IFNGR2: variants seen among roughly 807,000 people sequenced by gnomAD.
IFNGR2 encodes interferon gamma receptor 2.
IFNGR2 carries 15 observed loss-of-function variants against 41.1 expected under a neutral mutation model. The ratio of observed to expected loss-of-function variants is 0.37; its 90% CI spans 0.24 to 0.56. The LOEUF is 0.56. Ranked by LOEUF, IFNGR2 falls within the 20% of genes least tolerant of loss-of-function variation. IFNGR2 has a pLI of 0.81. For synonymous variants in IFNGR2, 161 were observed against 171.6 expected, an observed-to-expected ratio of 0.94 and a Z score of 0.48; for missense variants, 362 against 415.7, an observed-to-expected ratio of 0.87 and a Z score of 1.12.
In IFNGR2 at chr21:33,415,371, C is replaced by T. The variant is rs562686663; in HGVS notation, c.206+351C>T. ...AGTCTTCATCTTCGGGCTTAAAAATCGGATTGATTTAACCTTATAGACCAA... is the reference window on the plus strand; with the variant it reads ...AGTCTTCATCTTCGGGCTTAAAAATTGGATTGATTTAACCTTATAGACCAA... On this transcript the variant is annotated intron_variant, in intron 2 of 6. Coordinates refer to ENST00000290219, the MANE Select transcript of IFNGR2 (RefSeq NM_005534.4). Among the ~76,000 whole-genome samples the T allele has an allele frequency of 1.4e-4, 22 of 152,294 alleles. No individual in the cohort carries two copies. The East Asian group carries it at 1.7e-3, about 12-fold the overall frequency.
chr21:33,407,795 C>G (rs938819806), intron 1 of IFNGR2, among the ~76,000 whole-genome samples: 4 of 151,848 alleles, frequency 2.6e-5, no homozygotes, highest in East Asian at 1.9e-4. Flanking sequence ...GGGGTTTCAC[C>G]ACGTTGGCTA....
intron 2 of IFNGR2, among the ~76,000 whole-genome samples, chr21:33,416,935 T>G (rs1452174090): frequency 1.3e-5 from 2 of 149,908 alleles, no homozygotes; most frequent in Non-Finnish European, 3.0e-5. Context: ...CTTTTTTTTT[T>G]TTTTTTTGAG....
chr21:33,417,998 A>T (rs561553195), intron 2 of IFNGR2, among the ~76,000 whole-genome samples: 1 of 151,318 alleles, frequency 6.6e-6, no homozygotes, highest in African/African-American at 2.4e-5. Flanking sequence ...TTTCTCAGGG[A>T]TAAAGGTTGG....
chr21:33,433,857 C>T (rs904023952), intron 6 of IFNGR2, among the ~76,000 whole-genome samples: 15 of 151,748 alleles, frequency 9.9e-5, no homozygotes, highest in South Asian at 2.1e-4. Context: ...CTGCAGTAGA[C>T]CCCTCTCCGA....
At chr21:33,410,455 G>A (rs141811634) in intron 1 of IFNGR2, among the ~76,000 whole-genome samples, 18 of 145,380 alleles carry the variant, frequency 1.2e-4, no homozygotes, top group African/African-American at 3.6e-4. Flanking sequence ...GTGAGCCACT[G>A]CGGCCAGCCT....
intron 1 of IFNGR2, among the ~76,000 whole-genome samples, chr21:33,412,494 C>T (rs182491970): frequency 5.6e-4 from 86 of 152,300 alleles, no homozygotes; most frequent in Non-Finnish European, 7.6e-4. Context: ...GTGAGGTCCC[C>T]GATACCGTCA....
At chr21:33,404,142 G>A (rs1399930184) in intron 1 of IFNGR2, among the ~76,000 whole-genome samples, 1 of 152,268 alleles carries the variant, frequency 6.6e-6, no homozygotes, top group African/African-American at 2.4e-5. Context: ...CACTGGTTCT[G>A]CAGCCTGGCG....
At chr21:33,424,322 AC>A (rs1157804326) in intron 3 of IFNGR2, among the ~76,000 whole-genome samples, 1 of 147,834 alleles carries the variant, frequency 6.8e-6, no homozygotes, top group East Asian at 1.9e-4. Context: ...AAGGAATGAT[AC>A]TTACCGCCAC....
At chr21:33,428,209 ATTTT>A (rs34770974) in intron 4 of IFNGR2, among the ~76,000 whole-genome samples, 1 of 140,292 alleles carries the variant, frequency 7.1e-6, no homozygotes, top group South Asian at 2.3e-4. Flanking sequence ...CTTCTCCTTC[ATTTT>A]TTTTTTTTTT....
intron 1 of IFNGR2, chr21:33,410,691 C>G (rs2083709439): frequency 1.6e-6 from 1 of 616,576 alleles, no homozygotes; most frequent in Non-Finnish European, 3.0e-6. Context: ...TGGTTTCAAA[C>G]TCCCAAACTC....
intron 2 of IFNGR2, among the ~76,000 whole-genome samples, chr21:33,420,664 T>C (rs1439361629): frequency 6.6e-6 from 1 of 152,072 alleles, no homozygotes; most frequent in Non-Finnish European, 1.5e-5. Flanking sequence ...TGGGAGAAAA[T>C]ATTTGCAAAT....
intron 4 of IFNGR2, among the ~76,000 whole-genome samples, chr21:33,427,617 G>A (rs897322432): frequency 1.3e-5 from 2 of 152,148 alleles, no homozygotes; most frequent in Non-Finnish European, 2.9e-5. Flanking sequence ...CATCAGAGCG[G>A]CCTGGTCAGC....
At chr21:33,425,243 A>T (rs1568958879) in intron 3 of IFNGR2, among the ~76,000 whole-genome samples, 1 of 152,098 alleles carries the variant, frequency 6.6e-6, no homozygotes, top group South Asian at 2.1e-4. Context: ...TTTGGCAGTG[A>T]CACTGATCGT....
Position 33,407,853 on chromosome 21 carries a change from C to CA in IFNGR2, c.73+4237_73+4238insA, listed in dbSNP as rs993047074. Among the ~76,000 whole-genome samples, 18 of 143,848 alleles carry CA rather than the reference C, an allele frequency of 1.3e-4. 1 individual carries two copies. The highest frequency in any genetic ancestry group is 2.8e-4 in the Non-Finnish European group (18 of 65,130). 94.4% of individuals were successfully genotyped at this position (143,848 alleles called of 152,430 possible). A position where few individuals can be genotyped will look rare whatever the true frequency, so the allele number is the denominator to read the frequency against. On this transcript the variant is annotated intron_variant, in intron 1 of 6. Transcript: ENST00000290219. Reference sequence around the variant, plus strand: ...TCAAGTGATCCCCACCGCACCCCCCCCCGCCAACCCCCGCCAGCCTCAGCC... The same window carrying CA: ...TCAAGTGATCCCCACCGCACCCCCCCACCGCCAACCCCCGCCAGCCTCAGCC...
At chr21:33,413,996 C>A (rs1349294080) in intron 1 of IFNGR2, among the ~76,000 whole-genome samples, 2 of 151,950 alleles carry the variant, frequency 1.3e-5, no homozygotes, top group Admixed American at 1.3e-4. Context: ...CCGCACCTGG[C>A]TAACTTTTAT....
At chr21:33,415,564 G>A (rs375830745) in intron 2 of IFNGR2, among the ~76,000 whole-genome samples, 5 of 152,312 alleles carry the variant, frequency 3.3e-5, no homozygotes, top group Middle Eastern at 3.4e-3. Context: ...TATAGAAAGA[G>A]GGCAAAGTCC....
intron 2 of IFNGR2, among the ~76,000 whole-genome samples, chr21:33,418,386 G>T (rs867346028): frequency 1.4e-4 from 22 of 152,142 alleles, no homozygotes; most frequent in Admixed American, 6.6e-5. Flanking sequence ...AGAAACATAG[G>T]TTAGGGTACA....
chr21:33,411,576 G>GT, intron 1 of IFNGR2: 1 of 466,972 alleles, frequency 2.1e-6, no homozygotes, highest in Non-Finnish European at 4.5e-6. Context: ...GCAGATGTGA[G>GT]TAAGTTAAGA....
chr21:33,436,947 T>C lies in IFNGR2; in HGVS notation c.999T>C (p.Val333=). Residue 333 remains valine, a synonymous_variant, in exon 7 of 7, where the codon GTT becomes GTC. Coordinates refer to ENST00000290219, the MANE Select transcript of IFNGR2 (RefSeq NM_005534.4). ...TTCCGGAAAAGGAGCAAGAAGATGT[T>C]CTCCAAACGCTTTGAACCAAAGCAT... ...ISFPEKEQED[V]LQTL 1 of 1,613,916 alleles carries C rather than the reference T, an allele frequency of 6.2e-7. No individual in the cohort carries two copies. The highest frequency in any genetic ancestry group is 1.1e-5 in the South Asian group (1 of 91,076).
Sources: allele counts gnomAD v4.1 joint callset (sites outside exome capture counted in the v4.1 genomes callset), GRCh38; gene constraint gnomAD v4.1.1; transcripts MANE v1.5; gene names NCBI Gene and HGNC (gene_info 2026-07-23, HGNC 2026-07-21).